Variants in ATP6V1H observed in about 807,000 individuals in gnomAD.
ATP6V1H encodes ATPase H+ transporting V1 subunit H, also known as V-type proton ATPase subunit H.
Under a neutral mutation model 71.7 loss-of-function variants are expected in ATP6V1H, and 39 were observed. The ratio of observed to expected loss-of-function variants is 0.54; its 90% CI spans 0.42 to 0.71. ATP6V1H has a LOEUF of 0.71. ATP6V1H is among the 30% of genes least tolerant of loss of function. ATP6V1H has a pLI of 0.00. For missense variants in ATP6V1H, 509 were observed against 594.9 expected, an observed-to-expected ratio of 0.86 and a Z score of 1.50; for synonymous variants, 192 against 199.3, an observed-to-expected ratio of 0.96 and a Z score of 0.31.
intron 12 of ATP6V1H, among the ~76,000 whole-genome samples, chr8:53,753,291 G>C (rs552253902): frequency 2.0e-5 from 3 of 152,306 alleles, no homozygotes; most frequent in Admixed American, 6.5e-5. Flanking sequence ...CATGGCCACA[G>C]TTTTGGGCCA....
chr8:53,840,174 C>G (rs1022056479), intron 2 of ATP6V1H, among the ~76,000 whole-genome samples: 1 of 152,096 alleles, frequency 6.6e-6, no homozygotes, highest in Non-Finnish European at 1.5e-5. Flanking sequence ...CCTGCCAGAC[C>G]CTGTGCATCT....
intron 13 of ATP6V1H, among the ~76,000 whole-genome samples, chr8:53,719,161 T>C (rs549938353): frequency 3.9e-5 from 6 of 152,278 alleles, no homozygotes; most frequent in South Asian, 4.2e-4. Context: ...TTGGCTTTTA[T>C]GTATTTTATT....
chr8:53,823,427 A>G (rs1308669974), intron 4 of ATP6V1H, among the ~76,000 whole-genome samples: 2 of 152,202 alleles, frequency 1.3e-5, no homozygotes, highest in Non-Finnish European at 2.9e-5. Flanking sequence ...TCAGAGCTGA[A>G]GGATATACTT....
Position 53,802,267 on chromosome 8 carries a change from T to C in ATP6V1H, c.580-371A>G, listed in dbSNP as rs115852634. The stretch of plus-strand genomic sequence containing the variant: ...ACTGTTCCACATAATTACAGAACTA[T>C]CAAAGAACAATAAAATTAACAAAAA... On this transcript the variant is annotated intron_variant, in intron 7 of 13. Transcript: ENST00000359530. Among the ~76,000 whole-genome samples the C allele has an allele frequency of 1.8e-3, 271 of 152,232 alleles. 1 individual carries two copies. The highest frequency in any genetic ancestry group is 6.2e-3 in the African/African-American group (259 of 41,530).
chr8:53,807,138 T>C (rs1458181125), intron 7 of ATP6V1H, among the ~76,000 whole-genome samples: 1 of 152,150 alleles, frequency 6.6e-6, no homozygotes, highest in Non-Finnish European at 1.5e-5. Flanking sequence ...GGACTTATAA[T>C]CAAAGCAGTA....
At chr8:53,830,898 T>G (rs532474810) in intron 3 of ATP6V1H, among the ~76,000 whole-genome samples, 1 of 152,256 alleles carries the variant, frequency 6.6e-6, no homozygotes, top group African/African-American at 2.4e-5. Flanking sequence ...CCATTGCACA[T>G]GCGGTTGGGG....
intron 11 of ATP6V1H, among the ~76,000 whole-genome samples, chr8:53,768,125 T>C (rs1808531463): frequency 6.6e-6 from 1 of 152,132 alleles, no homozygotes; most frequent in African/African-American, 2.4e-5. Context: ...GAGCCAAGCA[T>C]CTGAACAGAC....
intron 13 of ATP6V1H, among the ~76,000 whole-genome samples, chr8:53,729,399 A>T (rs1320261874): frequency 6.6e-6 from 1 of 152,218 alleles, no homozygotes; most frequent in Non-Finnish European, 1.5e-5. Context: ...ACAGATAGGA[A>T]GCAAGGGACA....
At chr8:53,728,924 T>C (rs1806917116) in intron 13 of ATP6V1H, among the ~76,000 whole-genome samples, 1 of 152,250 alleles carries the variant, frequency 6.6e-6, no homozygotes, top group Non-Finnish European at 1.5e-5. Context: ...TAACAGATTC[T>C]AGCTCCATGA....
chr8:53,798,820 A>G (rs564072671), intron 8 of ATP6V1H, among the ~76,000 whole-genome samples: 5 of 152,206 alleles, frequency 3.3e-5, no homozygotes, highest in Non-Finnish European at 7.3e-5. Flanking sequence ...GGTCATTAGC[A>G]TATCAAAATA....
intron 9 of ATP6V1H, among the ~76,000 whole-genome samples, chr8:53,790,501 G>T (rs912661545): frequency 6.6e-6 from 1 of 152,156 alleles, no homozygotes; most frequent in Non-Finnish European, 1.5e-5. Flanking sequence ...CATATTTTTC[G>T]AAGGGTATTA....
intron 8 of ATP6V1H, among the ~76,000 whole-genome samples, chr8:53,799,565 G>T (rs1042146146): frequency 6.6e-6 from 1 of 152,186 alleles, no homozygotes; most frequent in African/African-American, 2.4e-5. Flanking sequence ...TGGGAATTTG[G>T]CTGGTAAAGT....
At chr8:53,809,887 C>T (rs144709802) in intron 7 of ATP6V1H, among the ~76,000 whole-genome samples, 1 of 152,264 alleles carries the variant, frequency 6.6e-6, no homozygotes, top group East Asian at 1.9e-4. Flanking sequence ...GCCCCAGGAT[C>T]GCGTATCTAG....
intron 9 of ATP6V1H, among the ~76,000 whole-genome samples, chr8:53,775,722 T>A (rs888656240): frequency 6.6e-6 from 1 of 152,072 alleles, no homozygotes; most frequent in Non-Finnish European, 1.5e-5. Flanking sequence ...TGTCGATTGG[T>A]GCACTCACAA....
At chr8:53,752,016 A>AG (rs1275996369) in intron 12 of ATP6V1H, among the ~76,000 whole-genome samples, 12 of 152,324 alleles carry the variant, frequency 7.9e-5, no homozygotes, top group African/African-American at 2.9e-4. Context: ...GGCATATCTT[A>AG]GCAACAGTTG....
chr8:53,763,292 T>C (rs1808342067), intron 11 of ATP6V1H, among the ~76,000 whole-genome samples: 1 of 152,214 alleles, frequency 6.6e-6, no homozygotes, highest in Admixed American at 6.5e-5. Flanking sequence ...TGTTTTTCTA[T>C]AAACTTGCAA....
At chr8:53,825,150 A>G (rs149376479) in intron 4 of ATP6V1H, among the ~76,000 whole-genome samples, 336 of 152,278 alleles carry the variant, frequency 2.2e-3, no homozygotes, top group African/African-American at 7.6e-3. Context: ...CTTGGACAGA[A>G]AAATTCAGTA....
intron 6 of ATP6V1H, among the ~76,000 whole-genome samples, chr8:53,814,298 G>C (rs984306012): frequency 2.0e-5 from 3 of 152,112 alleles, no homozygotes; most frequent in Non-Finnish European, 2.9e-5. Context: ...CTGCTGTACC[G>C]TTTGTTTTCC....
intron 13 of ATP6V1H, among the ~76,000 whole-genome samples, chr8:53,734,437 C>A (rs1807127160): frequency 6.6e-6 from 1 of 152,130 alleles, no homozygotes; most frequent in African/African-American, 2.4e-5. Flanking sequence ...CCAATCATTG[C>A]CCCAGGGTAC....
Sources: gnomAD v4.1 joint callset for allele counts (sites outside exome capture counted in the v4.1 genomes callset) on GRCh38, gnomAD v4.1.1 for gene constraint, MANE v1.5 for transcripts, NCBI Gene and HGNC (gene_info 2026-07-23, HGNC 2026-07-21) for gene names.